FOXN3: variants seen among roughly 807,000 people sequenced by gnomAD.
The protein encoded by FOXN3 is forkhead box N3, also known as forkhead box protein N3.
FOXN3 carries 7 observed loss-of-function variants against 38.4 expected under a neutral mutation model. That is an observed-to-expected ratio of 0.18 (90% CI 0.10 to 0.34). The LOEUF is 0.34. FOXN3 is among the 10% of genes least tolerant of loss of function. FOXN3 has a pLI of 1.00. For synonymous variants in FOXN3, 230 were observed against 242.2 expected (o/e 0.95, Z 0.47); for missense variants, 456 against 613.4 (o/e 0.74, Z 2.71).
At position 89,160,536 on chromosome 14, in the gene FOXN3, T is replaced by C. The variant is rs181882273; in HGVS notation, c.*1878A>G. The C allele has an allele frequency of 1.2e-3, 179 of 152,742 alleles. No individual in the cohort carries two copies. Among genetic ancestry groups the C allele is most frequent in the Middle Eastern group, 3.4e-3 (1 of 294 alleles). 9.5% of individuals were successfully genotyped at this position (152,742 alleles called of 1,614,324 possible). A position where few individuals can be genotyped will look rare whatever the true frequency, so the allele number is the denominator to read the frequency against. On this transcript the variant is annotated 3_prime_UTR_variant, in exon 6 of 6. Coordinates refer to ENST00000557258, the MANE Select transcript of FOXN3 (RefSeq NM_005197.4). Reference sequence around the variant, plus strand: ...TTCTTCTGGCTAATTTGCATAATTATTCACTGCCTTTTTCCTAGAACCAAA... The same window carrying C: ...TTCTTCTGGCTAATTTGCATAATTACTCACTGCCTTTTTCCTAGAACCAAA...
At chr14:89,278,733 G>A (rs1403395687) in intron 4 of FOXN3, among the ~76,000 whole-genome samples, 1 of 152,078 alleles carries the variant, frequency 6.6e-6, no homozygotes, top group Non-Finnish European at 1.5e-5. Context: ...TTCCCTACTC[G>A]TCTGATTATC....
intron 1 of FOXN3, among the ~76,000 whole-genome samples, chr14:89,550,615 A>G (rs984175237): frequency 1.3e-5 from 2 of 152,236 alleles, no homozygotes; most frequent in Non-Finnish European, 2.9e-5. Context: ...CTTGTCACCA[A>G]GAGATGTCCA....
intron 3 of FOXN3, chr14:89,291,508 A>G (rs1886870837): frequency 1.7e-6 from 1 of 592,362 alleles, no homozygotes. Context: ...CGCCATCCCC[A>G]GGGGGCCTGT....
At chr14:89,505,621 G>A (rs1400191069) in intron 1 of FOXN3, among the ~76,000 whole-genome samples, 2 of 151,990 alleles carry the variant, frequency 1.3e-5, no homozygotes, top group Non-Finnish European at 2.9e-5. Context: ...ATCTCGGCTC[G>A]CTACAACCTC....
At chr14:89,524,940 C>A (rs1170076802) in intron 1 of FOXN3, among the ~76,000 whole-genome samples, 2 of 152,110 alleles carry the variant, frequency 1.3e-5, no homozygotes, top group Admixed American at 1.3e-4. Context: ...CTCTCTACCC[C>A]AAAAACAAGA....
At chr14:89,221,467 G>A (rs902750215) in intron 4 of FOXN3, among the ~76,000 whole-genome samples, 1 of 152,036 alleles carries the variant, frequency 6.6e-6, no homozygotes, top group African/African-American at 2.4e-5. Context: ...CTTTACCTTT[G>A]GTTACAGTCA....
At chr14:89,402,372 A>C (rs1277786717) in intron 2 of FOXN3, among the ~76,000 whole-genome samples, 1 of 152,134 alleles carries the variant, frequency 6.6e-6, no homozygotes, top group African/African-American at 2.4e-5. Flanking sequence ...TCCAGCCACC[A>C]TCTCTCTCCG....
chr14:89,198,407 T>C lies in FOXN3; in HGVS notation c.746-17601A>G, dbSNP rs145581844. 5.8e-3 allele frequency among the ~76,000 whole-genome samples: 885 copies of C among 152,300 alleles called. 13 individuals are homozygous for C. Among genetic ancestry groups the C allele is most frequent in the South Asian group, 0.031 (151 of 4,822 alleles). On this transcript the variant is annotated intron_variant, in intron 4 of 5. Coordinates refer to ENST00000557258, the MANE Select transcript of FOXN3 (RefSeq NM_005197.4). ...AGGGGGTCCTGGAACCAATCCCCCA[T>C]GGATACCGAGGGATGACTGTGCTTA...
At chr14:89,416,157 C>T (rs892342283) in intron 1 of FOXN3, among the ~76,000 whole-genome samples, 1 of 152,188 alleles carries the variant, frequency 6.6e-6, no homozygotes, top group Non-Finnish European at 1.5e-5. Flanking sequence ...GCTTCACTCT[C>T]GTCTACTGTA....
intron 1 of FOXN3, among the ~76,000 whole-genome samples, chr14:89,495,865 T>C (rs1566675274): frequency 6.6e-6 from 1 of 152,152 alleles, no homozygotes; most frequent in Admixed American, 6.5e-5. Context: ...GGCCACAAGG[T>C]AAGTGTCAGA....
At chr14:89,195,646 G>A in intron 4 of FOXN3, among the ~76,000 whole-genome samples, 1 of 152,184 alleles carries the variant, frequency 6.6e-6, no homozygotes, top group Non-Finnish European at 1.5e-5. Flanking sequence ...ATCTTCCCTA[G>A]ATGGTCCAAC....
chr14:89,290,286 G>A (rs1886829377), intron 3 of FOXN3: 1 of 332,188 alleles, frequency 3.0e-6, no homozygotes. Context: ...TGACGAATAA[G>A]TATATTCATT....
chr14:89,602,346 G>C (rs1566714763), intron 1 of FOXN3, among the ~76,000 whole-genome samples: 1 of 151,700 alleles, frequency 6.6e-6, no homozygotes, highest in Non-Finnish European at 1.5e-5. Flanking sequence ...AATACAATGA[G>C]TAAGAGGCAG....
At chr14:89,616,205 G>C (rs543021067) in intron 1 of FOXN3, among the ~76,000 whole-genome samples, 26 of 152,176 alleles carry the variant, frequency 1.7e-4, no homozygotes, top group Non-Finnish European at 3.7e-4. Flanking sequence ...AACGGGGTTG[G>C]GGGTGGAGGC....
At chr14:89,449,805 G>T (rs964273076) in intron 1 of FOXN3, among the ~76,000 whole-genome samples, 8 of 152,172 alleles carry the variant, frequency 5.3e-5, no homozygotes, top group African/African-American at 1.4e-4. Context: ...CAACTGAAGG[G>T]GAGTTTTCCA....
chr14:89,193,630 C>T (rs1415898607), intron 4 of FOXN3, among the ~76,000 whole-genome samples: 1 of 152,202 alleles, frequency 6.6e-6, no homozygotes, highest in African/African-American at 2.4e-5. Context: ...TACCGCAATC[C>T]ATTCACCGGT....
chr14:89,348,738 T>C (rs1888852832), intron 3 of FOXN3, among the ~76,000 whole-genome samples: 1 of 152,004 alleles, frequency 6.6e-6, no homozygotes, highest in Non-Finnish European at 1.5e-5. Flanking sequence ...CGGAAATGAT[T>C]TTCATTACAA....
chr14:89,167,399 G>A (rs1416984421), intron 5 of FOXN3, among the ~76,000 whole-genome samples: 1 of 152,172 alleles, frequency 6.6e-6, no homozygotes, highest in Non-Finnish European at 1.5e-5. Flanking sequence ...AGTCTCTCTG[G>A]AACTAATGGC....
At position 89,385,499 on chromosome 14, in the gene FOXN3, TAAAAAAAAAAAA is replaced by T. The variant is rs10681650; in HGVS notation, c.543+26423_543+26434del. 3.4e-4 allele frequency among the ~76,000 whole-genome samples: 37 copies of T among 108,814 alleles called. 1 individual carries two copies. Among genetic ancestry groups the T allele is most frequent in the African/African-American group, 1.1e-3 (34 of 30,048 alleles). 71.4% of individuals were successfully genotyped at this position (108,814 alleles called of 152,430 possible). On this transcript the variant is annotated intron_variant, in intron 2 of 5. Transcript: ENST00000557258. ...AATAACAAAAGCTGAGGCAAACATT[TAAAAAAAAAAAA>T]AAAAAAAAAAGGAGGGCTGGGTGCC...
Sources: allele counts gnomAD v4.1 joint callset (sites outside exome capture counted in the v4.1 genomes callset), GRCh38; gene constraint gnomAD v4.1.1; transcripts MANE v1.5; gene names NCBI Gene and HGNC (gene_info 2026-07-23, HGNC 2026-07-21).